Variants in ZDHHC21 observed in about 807,000 individuals in gnomAD.
ZDHHC21 encodes zDHHC palmitoyltransferase 21, also known as palmitoyltransferase ZDHHC21.
A neutral mutation model predicts 34.6 loss-of-function variants in ZDHHC21; 15 were observed. That is an observed-to-expected ratio of 0.43 (90% confidence interval 0.29 to 0.67). The LOEUF is 0.67. Ranked by LOEUF, ZDHHC21 falls within the 30% of genes least tolerant of loss-of-function variation. ZDHHC21 has a pLI of 0.14. For synonymous variants in ZDHHC21, 142 were observed against 101.8 expected, an observed-to-expected ratio of 1.40 and a Z score of -2.38; for missense variants, 344 against 327.7, an observed-to-expected ratio of 1.05 and a Z score of -0.38.
At chr9:14,662,500 A>G (rs981460035) in intron 5 of ZDHHC21, among the ~76,000 whole-genome samples, 174 bp from the exon 6 acceptor site, 1 of 152,178 alleles carries the variant, frequency 6.6e-6, no homozygotes, top group Non-Finnish European at 1.5e-5. Context: ...TCTATTCTAC[A>G]TATGTCTTAT....
intron 3 of ZDHHC21, among the ~76,000 whole-genome samples, chr9:14,678,993 T>C (rs551350890): frequency 4.6e-5 from 7 of 151,982 alleles, no homozygotes; most frequent in South Asian, 2.1e-4. Flanking sequence ...GAGACAGGGA[T>C]AGAGACAGAC....
chr9:14,686,939 C>T (rs1838411087), intron 2 of ZDHHC21, among the ~76,000 whole-genome samples: 1 of 148,966 alleles, frequency 6.7e-6, no homozygotes, highest in Non-Finnish European at 1.5e-5. Context: ...TACTACAGCA[C>T]TCCAGCCTGG....
chr9:14,655,186 A>ATT (rs1831963087), intron 7 of ZDHHC21, among the ~76,000 whole-genome samples: 3 of 152,070 alleles, frequency 2.0e-5, no homozygotes, highest in Non-Finnish European at 4.4e-5. Flanking sequence ...AATGATGGAA[A>ATT]CCATAAGACA....
At chr9:14,660,949 G>T (rs188945551) in intron 6 of ZDHHC21, among the ~76,000 whole-genome samples, 1 of 152,182 alleles carries the variant, frequency 6.6e-6, no homozygotes, top group African/African-American at 2.4e-5. Flanking sequence ...CATGTTTCAC[G>T]TAGCTTTCTA....
intron 8 of ZDHHC21, among the ~76,000 whole-genome samples, chr9:14,624,108 A>T (rs1418813942): frequency 1.3e-5 from 2 of 152,054 alleles, no homozygotes; most frequent in Non-Finnish European, 2.9e-5. Flanking sequence ...TTAAAAAAAT[A>T]AATAATAATA....
At chr9:14,598,388 C>A in the ZDHHC21 span, among the ~76,000 whole-genome samples, 2 of 152,114 alleles carry the variant, frequency 1.3e-5, no homozygotes, top group African/African-American at 4.8e-5. Flanking sequence ...ACTACTGTGC[C>A]CACTCAGAAT....
chr9:14,592,598 T>A, the ZDHHC21 span, among the ~76,000 whole-genome samples: 1 of 152,104 alleles, frequency 6.6e-6, no homozygotes, highest in Non-Finnish European at 1.5e-5. Context: ...TTCTCAATAA[T>A]TGACAGAAAA....
At chr9:14,597,842 C>G in the ZDHHC21 span, among the ~76,000 whole-genome samples, 2 of 152,032 alleles carry the variant, frequency 1.3e-5, no homozygotes, top group Non-Finnish European at 2.9e-5. Flanking sequence ...AAAGACAGAC[C>G]CACCCAGCCT....
intron 2 of ZDHHC21, among the ~76,000 whole-genome samples, chr9:14,683,208 A>T (rs7847959): frequency 0.021 from 3,106 of 150,808 alleles, 106 homozygotes; most frequent in African/African-American, 0.072. Flanking sequence ...AAGGAGATAG[A>T]GAGACAAAAA....
At chr9:14,674,873 G>C (rs897869233) in intron 3 of ZDHHC21, among the ~76,000 whole-genome samples, 1 of 151,970 alleles carries the variant, frequency 6.6e-6, no homozygotes, top group African/African-American at 2.4e-5. Context: ...ATGAGAGAAC[G>C]AGGGGTTGGG....
At chr9:14,591,223 C>T in the ZDHHC21 span, among the ~76,000 whole-genome samples, 5 of 151,970 alleles carry the variant, frequency 3.3e-5, 1 homozygote, top group African/African-American at 9.7e-5. Context: ...TGTTTCTGTC[C>T]CTTCCAAAAT....
At chr9:14,676,128 T>C (rs1836328393) in intron 3 of ZDHHC21, among the ~76,000 whole-genome samples, 1 of 151,976 alleles carries the variant, frequency 6.6e-6, no homozygotes, top group South Asian at 2.1e-4. Context: ...ACTGAAGCTC[T>C]GGTGTGAATG....
intron 6 of ZDHHC21, among the ~76,000 whole-genome samples, chr9:14,659,234 G>C (rs1412591285): frequency 6.6e-6 from 1 of 152,120 alleles, no homozygotes; most frequent in African/African-American, 2.4e-5. Flanking sequence ...AGAAGACATA[G>C]GGGCCAAGAG....
At chr9:14,646,343 C>G (rs1224167210) in intron 7 of ZDHHC21, among the ~76,000 whole-genome samples, 1 of 151,716 alleles carries the variant, frequency 6.6e-6, no homozygotes, top group South Asian at 2.1e-4. Flanking sequence ...TCACATTTTA[C>G]AATATAAAAG....
intron 5 of ZDHHC21, among the ~76,000 whole-genome samples, chr9:14,670,020 CA>C (rs200868302): frequency 4.4e-4 from 66 of 148,678 alleles, no homozygotes; most frequent in African/African-American, 1.2e-3. Flanking sequence ...AACAAATAAA[CA>C]AAAAAAAACA....
rs1387958488 is a variant in ZDHHC21 at position 14,639,813 on chromosome 9, A to C, written c.621+83T>G. 8 of 795,506 alleles carry C rather than the reference A, an allele frequency of 1.0e-5. No individual in the cohort carries two copies. The East Asian group carries it at 2.4e-4, about 24-fold the overall frequency. The allele number at this position is 795,506 out of a possible 1,614,324, so 49.3% of individuals were successfully genotyped here. On this transcript the variant is annotated intron_variant, in intron 8 of 9. Transcript: ENST00000380916. The stretch of plus-strand genomic sequence containing the variant: ...TGGGTAATTTTCTCCTTTGATTTCT[A>C]AACTTCCTATAACTTTTGAGAATTA...
chr9:14,626,580 T>C (rs958784607), intron 8 of ZDHHC21, among the ~76,000 whole-genome samples: 5 of 152,046 alleles, frequency 3.3e-5, no homozygotes, highest in East Asian at 1.9e-4. Flanking sequence ...TGCTTTTACA[T>C]AGGAACATGC....
chr9:14,656,200 G>C (rs1257322702), intron 7 of ZDHHC21, among the ~76,000 whole-genome samples: 1 of 151,836 alleles, frequency 6.6e-6, no homozygotes. Flanking sequence ...ACATTCATTT[G>C]CTTCAGATCA....
chr9:14,639,060 C>T (rs531109467), intron 8 of ZDHHC21, among the ~76,000 whole-genome samples: 63 of 152,046 alleles, frequency 4.1e-4, no homozygotes, highest in African/African-American at 1.4e-3. Context: ...TGCACTTGCA[C>T]GTTTATCACA....
Sources: gnomAD v4.1 joint callset for allele counts (sites outside exome capture counted in the v4.1 genomes callset) on GRCh38, gnomAD v4.1.1 for gene constraint, MANE v1.5 for transcripts, NCBI Gene and HGNC (gene_info 2026-07-23, HGNC 2026-07-21) for gene names.